The following CLASP1 variants were observed in gnomAD, a reference collection of about 807,000 sequenced individuals.
CLASP1 encodes CLIP-associating protein 1.
CLASP1 carries 38 observed loss-of-function variants against 192.3 expected under a neutral mutation model. The ratio of observed to expected loss-of-function variants is 0.20; its 90% CI spans 0.15 to 0.26. The LOEUF is 0.26. CLASP1 is among the 10% of genes least tolerant of loss of function. The probability of loss-of-function intolerance (pLI) is 1.00; values close to 1 mark genes in which losing one functional copy is unlikely to be tolerated. For missense variants in CLASP1, 1,433 were observed against 1,932.5 expected, an observed-to-expected ratio of 0.74 and a Z score of 4.85; for synonymous variants, 691 against 712.8, an observed-to-expected ratio of 0.97 and a Z score of 0.49.
intron 30 of CLASP1, 158 bp from the exon 32 acceptor site, chr2:121,388,064 CA>C (rs536427277): frequency 2.3e-4 from 129 of 563,504 alleles, no homozygotes; most frequent in African/African-American, 2.0e-3. Context: ...TAATACCAAT[CA>C]CAAGCAGTCT....
Position 121,530,989 on chromosome 2 carries a change from T to A in CLASP1, c.196-664A>T. On this transcript the variant is annotated intron_variant, in intron 2 of 39. Coordinates refer to ENST00000263710, the Ensembl canonical transcript of CLASP1. ...ATCAACTAGAGCTTTTGCTTTATTT[T>A]GGTGCAATTTTTGGAAAAATGAAAA... The A allele has an allele frequency of 1.4e-6, 1 of 700,404 alleles. No individual in the cohort carries two copies. Among genetic ancestry groups the A allele is most frequent in the Non-Finnish European group, 2.6e-6 (1 of 384,792 alleles). 43.4% of individuals were successfully genotyped at this position (700,404 alleles called of 1,614,324 possible). A position where few individuals can be genotyped will look rare whatever the true frequency, so the allele number is the denominator to read the frequency against.
At chr2:121,530,964 A>T in intron 2 of CLASP1, 1 of 700,464 alleles carries the variant, frequency 1.4e-6, no homozygotes. Context: ...ACACACCCGC[A>T]TCAACTAGAG....
At chr2:121,393,871 TA>T (rs151255744) in intron 30 of CLASP1, among the ~76,000 whole-genome samples, 835 of 141,180 alleles carry the variant, frequency 5.9e-3, no homozygotes, top group African/African-American at 6.9e-3. Flanking sequence ...CTTGGATGAT[TA>T]AAAAAAAAAA....
At chr2:121,605,720 A>G in exon 2 of CLASP1, 1 of 1,613,838 alleles carries the variant, frequency 6.2e-7, no homozygotes, top group South Asian at 1.1e-5. Flanking sequence ...GCTAGAGTTC[A>G]CCCAAGAGGT....
chr2:121,603,830 A>C (rs1326536534), intron 2 of CLASP1, among the ~76,000 whole-genome samples: 1 of 152,250 alleles, frequency 6.6e-6, no homozygotes, highest in African/African-American at 2.4e-5. Flanking sequence ...AAAGTTAAAC[A>C]CTACATGTTC....
At chr2:121,489,756 T>C (rs974488780) in intron 8 of CLASP1, among the ~76,000 whole-genome samples, 1 of 152,240 alleles carries the variant, frequency 6.6e-6, no homozygotes, top group Non-Finnish European at 1.5e-5. Flanking sequence ...CCTGTACATT[T>C]TTGCATTTTA....
chr2:121,402,416 AACTTGTTC>A (rs1249818864), intron 26 of CLASP1, among the ~76,000 whole-genome samples: 7 of 152,308 alleles, frequency 4.6e-5, no homozygotes, highest in African/African-American at 1.7e-4. Context: ...TTGTTAATGA[AACTTGTTC>A]TACTTGGACA....
rs192225600 is a variant in CLASP1 at position 121,507,767 on chromosome 2, C to T, written c.645-4533G>A. ...GAAGACAAAGAGAAAATCTTCAAAGCAACAATGGAGAACCCACTCATTGTG... is the reference window on the plus strand; with the variant it reads ...GAAGACAAAGAGAAAATCTTCAAAGTAACAATGGAGAACCCACTCATTGTG... On this transcript the variant is annotated intron_variant, in intron 7 of 39. Transcript: ENST00000263710. Among the ~76,000 whole-genome samples the T allele has an allele frequency of 3.9e-5, 6 of 152,150 alleles. No individual in the cohort carries two copies. In the East Asian group the frequency reaches 9.6e-4, roughly 24 times the overall value.
chr2:121,404,129 T>G (rs72967352), intron 26 of CLASP1, among the ~76,000 whole-genome samples: 55 of 152,356 alleles, frequency 3.6e-4, no homozygotes, highest in African/African-American at 1.3e-3. Context: ...AAAGACCATC[T>G]GATTCTCTCC....
chr2:121,635,587 T>A (rs1021453572), intron 1 of CLASP1, among the ~76,000 whole-genome samples: 1 of 152,212 alleles, frequency 6.6e-6, no homozygotes, highest in Non-Finnish European at 1.5e-5. Flanking sequence ...AGGTCTGATC[T>A]CTTAGGGCAA....
chr2:121,612,069 G>A (rs1375385891), intron 1 of CLASP1, among the ~76,000 whole-genome samples: 1 of 150,188 alleles, frequency 6.7e-6, no homozygotes, highest in Non-Finnish European at 1.5e-5. Context: ...AGGAACTGGA[G>A]GAGGAGGAGT....
chr2:121,381,536 A>C (rs1436727704), intron 33 of CLASP1, among the ~76,000 whole-genome samples: 6 of 152,058 alleles, frequency 3.9e-5, no homozygotes, highest in African/African-American at 1.4e-4. Context: ...AGGGAAGCCC[A>C]CCCCTTCTTC....
At chr2:121,355,777 G>C (rs2065272780) in intron 37 of CLASP1, among the ~76,000 whole-genome samples, 1 of 152,222 alleles carries the variant, frequency 6.6e-6, no homozygotes, top group Non-Finnish European at 1.5e-5. Flanking sequence ...TAGTACACAA[G>C]GTGGCCAGAA....
In CLASP1 at chr2:121,602,169, C is replaced by T. The variant is rs542459497; in HGVS notation, c.195+3532G>A. Among the ~76,000 whole-genome samples, 4 of 137,650 alleles carry T rather than the reference C, an allele frequency of 2.9e-5. No individual in the cohort carries two copies. In the East Asian group the frequency reaches 8.2e-4, roughly 28 times the overall value. 90.3% of individuals were successfully genotyped at this position (137,650 alleles called of 152,430 possible). ...CAGCCTGGGCAAAAGAGCAACACTC[C>T]ATCTCAAAAAAAAAAAAAGAAGAAG... On this transcript the variant is annotated intron_variant, in intron 2 of 39. Transcript: ENST00000263710.
chr2:121,458,782 T>G, intron 13 of CLASP1, 58 bp downstream of exon 13: 3 of 1,325,230 alleles, frequency 2.3e-6, no homozygotes, highest in Non-Finnish European at 3.0e-6. Flanking sequence ...CTCTAATATT[T>G]ATCAACCATC....
chr2:121,554,747 T>C (rs535612329), intron 2 of CLASP1, among the ~76,000 whole-genome samples: 123 of 152,308 alleles, frequency 8.1e-4, no homozygotes, highest in African/African-American at 2.8e-3. Context: ...GAAGTGAGTG[T>C]TGACTGCAAA....
At chr2:121,511,401 C>T (rs1438315221) in intron 7 of CLASP1, among the ~76,000 whole-genome samples, 1 of 152,028 alleles carries the variant, frequency 6.6e-6, no homozygotes, top group Non-Finnish European at 1.5e-5. Flanking sequence ...TCAGCCTAAC[C>T]AACATGGAGA....
intron 33 of CLASP1, among the ~76,000 whole-genome samples, chr2:121,379,710 G>A: frequency 6.6e-6 from 1 of 152,138 alleles, no homozygotes; most frequent in East Asian, 1.9e-4. Flanking sequence ...GAACGTTCAA[G>A]TTTTTTTAAG....
chr2:121,517,478 T>C (rs920254283), intron 6 of CLASP1, among the ~76,000 whole-genome samples: 1 of 152,198 alleles, frequency 6.6e-6, no homozygotes, highest in African/African-American at 2.4e-5. Flanking sequence ...CAAAACCTCA[T>C]GCTGTGGACT....
Sources: gnomAD v4.1 joint callset for allele counts (sites outside exome capture counted in the v4.1 genomes callset) on GRCh38, gnomAD v4.1.1 for gene constraint, MANE v1.5 for transcripts, NCBI Gene and HGNC (gene_info 2026-07-23, HGNC 2026-07-21) for gene names.